Variants in COL23A1 observed in about 807,000 individuals in gnomAD.
The protein encoded by COL23A1 is collagen type XXIII alpha 1 chain, also known as collagen alpha-1(XXIII) chain.
In COL23A1, 97 loss-of-function variants were observed where a neutral mutation model predicts 99.3. That is an observed-to-expected ratio of 0.98 (90% CI 0.83 to 1.16). COL23A1 has a LOEUF of 1.16. COL23A1 is among the 50% of genes most tolerant of loss of function. The pLI is 0.00. For synonymous variants in COL23A1, 320 were observed against 308.2 expected (o/e 1.04, Z -0.40); for missense variants, 762 against 757.4 (o/e 1.01, Z -0.07).
At chr5:178,381,717 C>T (rs1436445159) in intron 2 of COL23A1, among the ~76,000 whole-genome samples, 1 of 152,144 alleles carries the variant, frequency 6.6e-6, no homozygotes, top group Admixed American at 6.5e-5. Flanking sequence ...CTCCCTGCAG[C>T]CTTGAACTCC....
intron 1 of COL23A1, among the ~76,000 whole-genome samples, chr5:178,574,548 A>C (rs888306475): frequency 7.2e-5 from 11 of 152,158 alleles, no homozygotes; most frequent in African/African-American, 2.7e-4. Flanking sequence ...ACGCCAATGA[A>C]AAGGTTGCTC....
intron 2 of COL23A1, among the ~76,000 whole-genome samples, chr5:178,515,484 G>T (rs1463801310): frequency 6.6e-6 from 1 of 152,092 alleles, no homozygotes; most frequent in Non-Finnish European, 1.5e-5. Context: ...CCTGGCCCTC[G>T]AGTGCCTGAA....
intron 2 of COL23A1, among the ~76,000 whole-genome samples, chr5:178,497,852 C>A (rs681420): frequency 0.064 from 9,753 of 151,256 alleles, 835 homozygotes; most frequent in African/African-American, 0.19. Flanking sequence ...ATAAAAATGA[C>A]ATATGAAGAA....
intron 1 of COL23A1, among the ~76,000 whole-genome samples, chr5:178,577,186 C>G (rs1051049397): frequency 4.6e-5 from 7 of 152,184 alleles, no homozygotes; most frequent in Non-Finnish European, 1.0e-4. Context: ...GCGGGTGGTC[C>G]GGAGCCCGGG....
chr5:178,321,650 T>C (rs1242771750), intron 2 of COL23A1, among the ~76,000 whole-genome samples: 1 of 150,760 alleles, frequency 6.6e-6, no homozygotes, highest in Non-Finnish European at 1.5e-5. Flanking sequence ...CCACCATGCC[T>C]GGCTAATTTT....
chr5:178,495,138 C>T (rs1562022848), intron 2 of COL23A1, among the ~76,000 whole-genome samples: 1 of 152,206 alleles, frequency 6.6e-6, no homozygotes, highest in Non-Finnish European at 1.5e-5. Context: ...AGTTGTTAGA[C>T]ATCAGCCTGC....
In COL23A1 at chr5:178,267,391, C is replaced by T; in HGVS notation, c.496-58G>A. 1.9e-6 allele frequency: 3 copies of T among 1,576,276 alleles called. No individual in the cohort carries two copies. The South Asian group carries it at 3.4e-5, about 18-fold the overall frequency. On this transcript the variant is annotated intron_variant, in intron 7 of 28. Transcript: ENST00000390654. ...CTGCTTTCATCGTTTCTTCACATTT[C>T]CCGTCGGGCATCTGTGCCCAGTGCT...
At position 178,306,898 on chromosome 5, in the gene COL23A1, T is replaced by A; in HGVS notation, c.383A>T (p.Lys128Met). Residue 128 changes from lysine (K) to methionine (M), a missense_variant, in exon 3 of 29, where the codon AAG becomes ATG. Physicochemically the swap from Lys to Met is moderately conservative, Grantham distance 95. Coordinates refer to ENST00000390654, the MANE Select transcript of COL23A1 (RefSeq NM_173465.4). This position sits in a 1 kb window ranked among gnomAD's most constrained non-coding sequence, Gnocchi z 4.1. ...ACCAGGGTCGCCTCTTCTCCCAGGC[T>A]TGCCGCGCCGTCCAGGGGGCCCTAG... is the stretch of plus-strand genomic sequence containing the variant. ...CPPGPPGRRG[K>M]PGRRGDPGPP... is the part of the protein sequence containing the mutation. 6.5e-7 allele frequency: 1 copy of A among 1,548,300 alleles called. No individual in the cohort carries two copies. The highest frequency in any genetic ancestry group is 1.2e-5 in the South Asian group (1 of 82,744).
chr5:178,533,306 C>T (rs1191644753), intron 2 of COL23A1, among the ~76,000 whole-genome samples: 5 of 152,212 alleles, frequency 3.3e-5, no homozygotes, highest in East Asian at 1.9e-4. Context: ...GTTGCTAGAA[C>T]GTTTTCATCA....
At chr5:178,552,981 T>A (rs1762083864) in intron 2 of COL23A1, among the ~76,000 whole-genome samples, 1 of 152,098 alleles carries the variant, frequency 6.6e-6, no homozygotes, top group African/African-American at 2.4e-5. Flanking sequence ...GTGCTGGGAT[T>A]ACAGGCGTGA....
chr5:178,451,446 A>G (rs1341140481), intron 2 of COL23A1, among the ~76,000 whole-genome samples: 1 of 152,150 alleles, frequency 6.6e-6, no homozygotes, highest in Non-Finnish European at 1.5e-5. Context: ...ACTTGAGGTC[A>G]GGAGTTTAAG....
At chr5:178,315,586 A>C (rs1410825272) in intron 2 of COL23A1, among the ~76,000 whole-genome samples, 2 of 152,104 alleles carry the variant, frequency 1.3e-5, no homozygotes, top group Non-Finnish European at 1.5e-5. Flanking sequence ...TAAACATGGA[A>C]TGTCCCACCC....
chr5:178,530,584 C>T (rs1325940547), intron 2 of COL23A1, among the ~76,000 whole-genome samples: 1 of 152,164 alleles, frequency 6.6e-6, no homozygotes, highest in African/African-American at 2.4e-5. Flanking sequence ...TTAGGAAAGG[C>T]GATGCAGCCT....
chr5:178,464,221 G>A (rs892471615), intron 2 of COL23A1, among the ~76,000 whole-genome samples: 23 of 152,110 alleles, frequency 1.5e-4, no homozygotes, highest in Middle Eastern at 3.4e-3. Context: ...CTCCCGATTC[G>A]GCACTCCCAC....
chr5:178,459,375 G>C (rs572472274), intron 2 of COL23A1, among the ~76,000 whole-genome samples: 13 of 152,284 alleles, frequency 8.5e-5, no homozygotes, highest in African/African-American at 2.9e-4. Context: ...TATGAAACAA[G>C]AAGAATTGTG....
intron 2 of COL23A1, among the ~76,000 whole-genome samples, chr5:178,394,344 G>A (rs74770430): frequency 0.033 from 4,975 of 152,226 alleles, 264 homozygotes; most frequent in African/African-American, 0.11. Context: ...CCTCAACTCG[G>A]AGCCACTCCC....
intron 2 of COL23A1, among the ~76,000 whole-genome samples, chr5:178,319,943 T>A (rs1358797778): frequency 2.6e-5 from 4 of 152,170 alleles, no homozygotes; most frequent in African/African-American, 9.7e-5. Flanking sequence ...CCGTCACTCC[T>A]CAGGCCTGCC....
rs1756834960 is a variant in COL23A1, at chr5:178,280,441, G to A, written c.441+7883C>T. On this transcript the variant is annotated intron_variant, in intron 5 of 28. Coordinates refer to ENST00000390654, the MANE Select transcript of COL23A1 (RefSeq NM_173465.4). This position sits in a 1 kb window ranked among gnomAD's most constrained non-coding sequence, Gnocchi z 4.9. ...TTGGCGGGGCCAGGGACGTGCCTGA[G>A]GCCACATGGACTATAGACCCCTGGG... 6.6e-6 allele frequency among the ~76,000 whole-genome samples: 1 copy of A among 152,148 alleles called. No individual in the cohort carries two copies. Among genetic ancestry groups the A allele is most frequent in the Non-Finnish European group, 1.5e-5 (1 of 68,024 alleles).
In COL23A1 at chr5:178,366,278, G is replaced by A. The variant is rs74819627; in HGVS notation, c.362-59359C>T. 0.011 allele frequency among the ~76,000 whole-genome samples: 1,707 copies of A among 152,312 alleles called. 32 individuals carry two copies. The highest frequency in any genetic ancestry group is 0.038 in the African/African-American group (1,564 of 41,576). On this transcript the variant is annotated intron_variant, in intron 2 of 28. Transcript: ENST00000390654. This position sits in a 1 kb window ranked among gnomAD's most constrained non-coding sequence, Gnocchi z 4.4. ...CTGTCCAGTGGGGAGGGGCACCGCTGCCTTGCCCGAGGTTCCCTCTGCACC... is the reference window on the plus strand; with the variant it reads ...CTGTCCAGTGGGGAGGGGCACCGCTACCTTGCCCGAGGTTCCCTCTGCACC...
Sources: allele counts gnomAD v4.1 joint callset (sites outside exome capture counted in the v4.1 genomes callset), GRCh38; gene constraint gnomAD v4.1.1; non-coding constraint Gnocchi (gnomAD v3.1); transcripts MANE v1.5; gene names NCBI Gene and HGNC (gene_info 2026-07-23, HGNC 2026-07-21).